UFL1: variants seen among roughly 807,000 people sequenced by gnomAD.
UFL1 encodes the protein E3 UFM1-protein ligase 1.
A neutral mutation model predicts 99.3 loss-of-function variants in UFL1; 78 were observed. The ratio of observed to expected loss-of-function variants is 0.79; its 90% CI spans 0.65 to 0.95. The LOEUF is 0.95. UFL1 is among the 40% of genes least tolerant of loss of function. UFL1 has a pLI of 0.00. For missense variants in UFL1, 936 were observed against 937.0 expected (o/e 1.00, Z 0.01); for synonymous variants, 335 against 322.2 (o/e 1.04, Z -0.42).
intron 12 of UFL1, among the ~76,000 whole-genome samples, chr6:96,545,312 C>T (rs894518831): frequency 6.6e-6 from 1 of 150,864 alleles, no homozygotes; most frequent in Admixed American, 6.6e-5. Flanking sequence ...ATATTGTTAG[C>T]TTTTTTTGTC....
intron 8 of UFL1, among the ~76,000 whole-genome samples, chr6:96,537,101 A>C (rs530417039): frequency 6.6e-6 from 1 of 151,720 alleles, no homozygotes; most frequent in African/African-American, 2.4e-5. Context: ...CTTAGTATAT[A>C]AATAATTTAA....
chr6:96,553,303 G>C lies in UFL1; in HGVS notation c.2185G>C (p.Val729Leu), dbSNP rs752510619. Residue 729 changes from valine to leucine, a missense_variant, in exon 19 of 19, where the codon GTA becomes CTA. Val to Leu is a conservative substitution (Grantham distance 32, BLOSUM62 1). Transcript: ENST00000369278. ...KIPEDQHALL[V>L]KYQGLVVKQL... ...TTCACAGGATCAGCATGCTCTTTTGGTAAAGTATCAAGGTTTGGTTGTAAA... is the reference window on the plus strand; with the variant it reads ...TTCACAGGATCAGCATGCTCTTTTGCTAAAGTATCAAGGTTTGGTTGTAAA... 6.2e-7 allele frequency: 1 copy of C among 1,613,296 alleles called. No individual in the cohort carries two copies. The highest frequency in any genetic ancestry group is 1.7e-5 in the Admixed American group (1 of 59,920).
intron 12 of UFL1, among the ~76,000 whole-genome samples, chr6:96,545,651 G>A (rs903579365): frequency 6.6e-6 from 1 of 150,954 alleles, no homozygotes; most frequent in African/African-American, 2.4e-5. Flanking sequence ...GTTCAACAAA[G>A]ATAAATTATT....
Position 96,536,315 on chromosome 6 carries a change from G to A in UFL1, c.727G>A (p.Val243Met), listed in dbSNP as rs1170330289. 9 of 1,611,538 alleles carry A rather than the reference G, an allele frequency of 5.6e-6. No individual in the cohort carries two copies. Among genetic ancestry groups the A allele is most frequent in the Non-Finnish European group, 7.6e-6 (9 of 1,178,292 alleles). ...GGTTGGTGGGAGACAGGATAAAGCT[G>A]TGTTTGTCCCTGACATCTACTCCAG... ...TVVGGRQDKA[V>M]FVPDIYSRTQ... Residue 243 changes from valine (V) to methionine (M), a missense_variant, in exon 8 of 19, where the codon GTG (valine) becomes ATG (methionine). Transcript: ENST00000369278.
chr6:96,544,888 T>TA (rs1415391066), intron 12 of UFL1, among the ~76,000 whole-genome samples: 1 of 151,020 alleles, frequency 6.6e-6, no homozygotes, highest in East Asian at 1.9e-4. Context: ...ATAAAAGTAG[T>TA]AAAACCATTC....
At chr6:96,534,750 C>A (rs1481283302) in intron 7 of UFL1, among the ~76,000 whole-genome samples, 1 of 151,706 alleles carries the variant, frequency 6.6e-6, no homozygotes, top group African/African-American at 2.4e-5. Flanking sequence ...ATTCAAACAA[C>A]ATATTAACTC....
chr6:96,540,117 G>T (rs1303389599), intron 10 of UFL1, among the ~76,000 whole-genome samples: 2 of 151,402 alleles, frequency 1.3e-5, no homozygotes, highest in Non-Finnish European at 3.0e-5. Flanking sequence ...ATGGTAATTT[G>T]TGTGGGGTAG....
Position 96,546,105 on chromosome 6 carries a change from T to G in UFL1, c.1403-2059T>G, listed in dbSNP as rs151177525. ...TCTCTGTTCTCTGATGACACGATCATATACCTAGAAAGCCATAAAGACTCC... is the reference window on the plus strand; with the variant it reads ...TCTCTGTTCTCTGATGACACGATCAGATACCTAGAAAGCCATAAAGACTCC... On this transcript the variant is annotated intron_variant, in intron 12 of 18. Coordinates refer to ENST00000369278, the MANE Select transcript of UFL1 (RefSeq NM_015323.5). 7.2e-3 allele frequency among the ~76,000 whole-genome samples: 1,095 copies of G among 151,312 alleles called. 11 individuals are homozygous for G. Among genetic ancestry groups the G allele is most frequent in the African/African-American group, 0.022 (920 of 41,408 alleles).
intron 5 of UFL1, among the ~76,000 whole-genome samples, 181 bp from the exon 6 acceptor site, chr6:96,528,321 G>A (rs572851482): frequency 1.3e-5 from 2 of 152,320 alleles, no homozygotes; most frequent in Admixed American, 1.3e-4. Flanking sequence ...ATGAGATAGT[G>A]AACTTTGCTA....
intron 16 of UFL1, 95 bp downstream of exon 16, chr6:96,551,608 A>G (rs1770081364): frequency 7.4e-6 from 7 of 944,984 alleles, no homozygotes; most frequent in South Asian, 5.8e-5. Context: ...TGTAAATCCA[A>G]TCTAAAACTA....
intron 1 of UFL1, 31 bp downstream of exon 1, chr6:96,521,981 C>A: frequency 6.3e-7 from 1 of 1,596,290 alleles, no homozygotes. Context: ...TTTGTGGAGC[C>A]CAAATTAGGC....
At chr6:96,542,416 C>T (rs1339573958) in intron 11 of UFL1, among the ~76,000 whole-genome samples, 8 of 151,186 alleles carry the variant, frequency 5.3e-5, no homozygotes, top group African/African-American at 1.9e-4. Context: ...GTCAGGATAT[C>T]TCCTCTAAAA....
At chr6:96,540,027 A>G (rs1769908471) in intron 10 of UFL1, among the ~76,000 whole-genome samples, 1 of 150,928 alleles carries the variant, frequency 6.6e-6, no homozygotes, top group African/African-American at 2.4e-5. Flanking sequence ...GTTATCATAA[A>G]CTTTTTCAAA....
At position 96,548,253 on chromosome 6, in the gene UFL1, A is replaced by C; in HGVS notation, c.1492A>C (p.Ile498Leu). 1 of 1,602,056 alleles carries C rather than the reference A, an allele frequency of 6.2e-7. No individual in the cohort carries two copies. Among genetic ancestry groups the C allele is most frequent in the Non-Finnish European group, 8.5e-7 (1 of 1,174,992 alleles). Residue 498 changes from isoleucine (I) to leucine (L), a missense_variant, in exon 13 of 19, where the codon ATT becomes CTT. Physicochemically the swap from Ile to Leu is conservative, Grantham distance 5. Transcript: ENST00000369278. Reference sequence around the variant, plus strand: ...CATACAAGATGCCCCTGAGGAGTTTATTTCGGAACTTGCTGAGTACTTAAT... The same window carrying C: ...CATACAAGATGCCCCTGAGGAGTTTCTTTCGGAACTTGCTGAGTACTTAAT... ...KHIQDAPEEF[I>L]SELAEYLIKP...
intron 18 of UFL1, among the ~76,000 whole-genome samples, chr6:96,553,079 TG>T (rs1222085075): frequency 6.6e-6 from 1 of 152,082 alleles, no homozygotes; most frequent in African/African-American, 2.4e-5. Context: ...AGTCAACTTA[TG>T]GTAAAGTGAT....
chr6:96,547,824 G>T (rs560441941), intron 12 of UFL1, among the ~76,000 whole-genome samples: 1 of 151,420 alleles, frequency 6.6e-6, no homozygotes, highest in African/African-American at 2.4e-5. Context: ...GGGGCGGTAT[G>T]TGGGCAGGGC....
rs181978848 is a variant in UFL1 at position 96,540,072 on chromosome 6, A to G, written c.1159-463A>G. Among the ~76,000 whole-genome samples, 16 of 151,230 alleles carry G rather than the reference A, an allele frequency of 1.1e-4. No individual in the cohort carries two copies. In the East Asian group the frequency reaches 2.5e-3, roughly 24 times the overall value. ...ATCAAGAATGAATCCAGAGGGGGGA[A>G]AAAAAGATTATATGACTTAGTATGC... On this transcript the variant is annotated intron_variant, in intron 10 of 18. Coordinates refer to ENST00000369278, the MANE Select transcript of UFL1 (RefSeq NM_015323.5).
At chr6:96,539,381 C>T (rs1481196780) in intron 10 of UFL1, among the ~76,000 whole-genome samples, 1 of 151,558 alleles carries the variant, frequency 6.6e-6, no homozygotes, top group South Asian at 2.1e-4. Flanking sequence ...ATAAAGCCTG[C>T]TCTCAAATAG....
At chr6:96,534,013 G>A (rs1254483742) in intron 6 of UFL1, among the ~76,000 whole-genome samples, 3 of 151,742 alleles carry the variant, frequency 2.0e-5, no homozygotes, top group African/African-American at 2.4e-5. Context: ...AAATAGTTAC[G>A]TATCATGGAA....
Sources: gnomAD v4.1 joint callset for allele counts (sites outside exome capture counted in the v4.1 genomes callset) on GRCh38, gnomAD v4.1.1 for gene constraint, MANE v1.5 for transcripts, NCBI Gene and HGNC (gene_info 2026-07-23, HGNC 2026-07-21) for gene names.